IFT70B: variants seen among roughly 807,000 people sequenced by gnomAD.
The protein encoded by IFT70B is intraflagellar transport 70B.
chr2:177,551,788 G>GA, the IFT70B span: 5 of 1,614,098 alleles, frequency 3.1e-6, no homozygotes, highest in Non-Finnish European at 4.2e-6. Flanking sequence ...AGCAGCAACA[G>GA]GTTGCCAAAA....
At chr2:177,549,742 G>A in the IFT70B span, 6 of 152,152 alleles carry the variant, frequency 3.9e-5, no homozygotes, top group Admixed American at 3.9e-4. Flanking sequence ...TGGGAGTTGC[G>A]GACATGAAAT....
the IFT70B span, chr2:177,549,374 T>C: frequency 1.3e-5 from 2 of 152,266 alleles, no homozygotes; most frequent in Non-Finnish European, 2.9e-5. Flanking sequence ...TACAGAGGAA[T>C]TATGCTGAGC....
chr2:177,552,637 T>C, the IFT70B span: 3 of 1,590,298 alleles, frequency 1.9e-6, no homozygotes, highest in African/African-American at 2.7e-5. Context: ...GCGCGGCTCC[T>C]AGGGCTCCGC....
At chr2:177,552,737 G>A in the IFT70B span, 1 of 1,580,938 alleles carries the variant, frequency 6.3e-7, no homozygotes, top group Non-Finnish European at 8.6e-7. Context: ...CCCCGTCGGG[G>A]ATCTGCGCGC....
the IFT70B span, chr2:177,550,965 T>G: frequency 6.2e-7 from 1 of 1,614,166 alleles, no homozygotes; most frequent in South Asian, 1.1e-5. Context: ...CATGATTGTG[T>G]GTTTTGACAT....
the IFT70B span, chr2:177,551,572 G>A: frequency 6.2e-7 from 1 of 1,613,992 alleles, no homozygotes; most frequent in African/African-American, 1.3e-5. Context: ...CTTGCTTCCT[G>A]TACTTGTATG....
the IFT70B span, chr2:177,549,149 CAAAG>C: frequency 1.3e-5 from 2 of 152,150 alleles, no homozygotes; most frequent in Admixed American, 6.5e-5. Context: ...AGTTGTCAAA[CAAAG>C]AACATTTCCC....
the IFT70B span, chr2:177,551,490 G>A: frequency 1.2e-6 from 2 of 1,614,250 alleles, no homozygotes; most frequent in Admixed American, 3.3e-5. Flanking sequence ...CATCAACACA[G>A]GAATGTATTT....
chr2:177,552,234 A>C, the IFT70B span: 1 of 1,614,194 alleles, frequency 6.2e-7, no homozygotes, highest in South Asian at 1.1e-5. Flanking sequence ...GGCGGCAAAA[A>C]ACTTGGAGCA....
chr2:177,550,550 A>G, the IFT70B span: 8 of 441,694 alleles, frequency 1.8e-5, no homozygotes, highest in African/African-American at 8.2e-5. Context: ...AACATTCCTC[A>G]TAAGTTTGGA....
chr2:177,552,435 G>A, the IFT70B span: 9 of 1,613,240 alleles, frequency 5.6e-6, no homozygotes, highest in Admixed American at 1.3e-4. Flanking sequence ...GCTGTGGTAG[G>A]CGGGGTTATC....
chr2:177,550,582 A>G, the IFT70B span: 2 of 510,604 alleles, frequency 3.9e-6, no homozygotes, highest in Admixed American at 3.9e-5. Flanking sequence ...CTCCTGGGGT[A>G]AAAGTTCTTA....
At chr2:177,552,149 A>G in the IFT70B span, 228 of 1,614,074 alleles carry the variant, frequency 1.4e-4, 1 homozygote, top group Non-Finnish European at 1.6e-4. Flanking sequence ...TCAGTGCTGA[A>G]GCATACTGTC....
the IFT70B span, chr2:177,552,618 G>T: frequency 1.3e-6 from 2 of 1,592,230 alleles, no homozygotes; most frequent in Non-Finnish European, 1.7e-6. Flanking sequence ...GCCTAGCAGC[G>T]ACAGGCCGGC....
At chr2:177,550,443 T>C in the IFT70B span, 1 of 197,840 alleles carries the variant, frequency 5.1e-6, no homozygotes, top group Non-Finnish European at 1.0e-5. Context: ...GCTTGGTCCC[T>C]GAATGATGTA....
At chr2:177,551,643 T>C in the IFT70B span, 1 of 1,614,224 alleles carries the variant, frequency 6.2e-7, no homozygotes, top group South Asian at 1.1e-5. Flanking sequence ...AATGAAAGCC[T>C]CTTCAGGAGC....
the IFT70B span, chr2:177,550,515 C>T: frequency 3.0e-6 from 1 of 332,502 alleles, no homozygotes; most frequent in Non-Finnish European, 5.4e-6. Flanking sequence ...GGAAAGGAAA[C>T]AAACGTATTA....
At chr2:177,551,054 G>A in the IFT70B span, 671 of 1,614,056 alleles carry the variant, frequency 4.2e-4, no homozygotes, top group Non-Finnish European at 5.6e-4. Context: ...AAGGTTCCAA[G>A]CTTTTGATAA....
At chr2:177,552,579 G>C in the IFT70B span, 3 of 1,596,508 alleles carry the variant, frequency 1.9e-6, no homozygotes, top group Non-Finnish European at 1.7e-6. Flanking sequence ...GGCCGCCAGC[G>C]CGAACTCCTG....
Sources: gnomAD v4.1 joint callset for allele counts on GRCh38, gnomAD v4.1.1 for gene constraint, MANE v1.5 for transcripts, NCBI Gene and HGNC (gene_info 2026-07-23, HGNC 2026-07-21) for gene names.